LUZP2: variants seen among roughly 807,000 people sequenced by gnomAD.
LUZP2 encodes leucine zipper protein 2.
Under a neutral mutation model 51.6 loss-of-function variants are expected in LUZP2, and 52 were observed. The observed-to-expected ratio is 1.01, with a 90% CI of 0.81 to 1.27. The LOEUF is 1.27. Among genes scored for constraint, LUZP2 ranks in the 50% most tolerant of loss-of-function variants. LUZP2 has a pLI of 0.00. For synonymous variants in LUZP2, 154 were observed against 137.3 expected (o/e 1.12, Z -0.85); for missense variants, 436 against 395.4 (o/e 1.10, Z -0.87).
chr11:24,930,949 C>G (rs985032681), intron 7 of LUZP2, among the ~76,000 whole-genome samples: 16 of 152,248 alleles, frequency 1.1e-4, no homozygotes, highest in African/African-American at 3.9e-4. Context: ...CACAGTGGCT[C>G]ACGCCTGTAA....
chr11:24,965,009 TATTA>T (rs1855539783), intron 7 of LUZP2, among the ~76,000 whole-genome samples: 2 of 151,720 alleles, frequency 1.3e-5, no homozygotes, highest in Admixed American at 6.6e-5. Context: ...GTCTAGAACC[TATTA>T]ATTAAGATTT....
At chr11:24,575,978 C>A (rs1852632381) in intron 1 of LUZP2, among the ~76,000 whole-genome samples, 2 of 152,044 alleles carry the variant, frequency 1.3e-5, no homozygotes, top group Admixed American at 1.3e-4. Context: ...TGAAAATCTT[C>A]ATCTTTATTT....
At chr11:24,733,606 C>T (rs951393405) in intron 3 of LUZP2, among the ~76,000 whole-genome samples, 8 of 151,478 alleles carry the variant, frequency 5.3e-5, no homozygotes, top group Non-Finnish European at 1.0e-4. Flanking sequence ...GTGGTGATTA[C>T]CAGGGTCAGA....
chr11:24,622,305 T>A (rs1441223226), intron 1 of LUZP2, among the ~76,000 whole-genome samples: 7 of 149,098 alleles, frequency 4.7e-5, no homozygotes, highest in East Asian at 4.2e-4. Context: ...CAGGCCCCAG[T>A]GTGTGATGTT....
chr11:24,841,211 T>G (rs1851021219), intron 5 of LUZP2, among the ~76,000 whole-genome samples: 1 of 152,014 alleles, frequency 6.6e-6, no homozygotes, highest in South Asian at 2.1e-4. Context: ...GTGGAATTAG[T>G]GCCCTTATAA....
At chr11:24,756,331 A>G (rs954143401) in intron 4 of LUZP2, among the ~76,000 whole-genome samples, 2 of 152,226 alleles carry the variant, frequency 1.3e-5, no homozygotes, top group Non-Finnish European at 2.9e-5. Context: ...TGTGTCAAGA[A>G]CGATTGTCCT....
At chr11:24,948,804 C>G (rs1177336141) in intron 7 of LUZP2, among the ~76,000 whole-genome samples, 1 of 116,764 alleles carries the variant, frequency 8.6e-6, no homozygotes, top group African/African-American at 2.7e-5. Flanking sequence ...TCTTGAAACT[C>G]TATCTATCTA....
At chr11:24,785,985 T>G (rs1564889717) in intron 5 of LUZP2, 26 of 985,324 alleles carry the variant, frequency 2.6e-5, no homozygotes, top group Non-Finnish European at 2.9e-5. Flanking sequence ...CTTACAAGCT[T>G]CACATTTGAC....
intron 5 of LUZP2, among the ~76,000 whole-genome samples, chr11:24,795,671 G>C (rs1849526254): frequency 6.6e-6 from 1 of 152,062 alleles, no homozygotes; most frequent in Non-Finnish European, 1.5e-5. Context: ...CAGCATGTCA[G>C]TGTCCCACAG....
chr11:24,926,892 C>T (rs904259637), intron 7 of LUZP2, among the ~76,000 whole-genome samples: 1 of 151,686 alleles, frequency 6.6e-6, no homozygotes, highest in African/African-American at 2.4e-5. Flanking sequence ...ACCACATTCA[C>T]ACCAACAACT....
chr11:24,826,352 G>A (rs1850542558), intron 5 of LUZP2, among the ~76,000 whole-genome samples: 2 of 151,048 alleles, frequency 1.3e-5, no homozygotes, highest in Admixed American at 6.6e-5. Flanking sequence ...ACTCAGGGGT[G>A]GTTTAAAAGA....
At chr11:24,830,999 T>C (rs1297022892) in intron 5 of LUZP2, among the ~76,000 whole-genome samples, 1 of 151,376 alleles carries the variant, frequency 6.6e-6, no homozygotes, top group Non-Finnish European at 1.5e-5. Context: ...CTCTCAAAAA[T>C]AAAAATAAAA....
chr11:24,802,840 ACTC>A (rs1186756722), intron 5 of LUZP2, among the ~76,000 whole-genome samples: 2 of 151,886 alleles, frequency 1.3e-5, no homozygotes, highest in Non-Finnish European at 2.9e-5. Flanking sequence ...AGTCATGAGT[ACTC>A]CTCCTTCATT....
intron 7 of LUZP2, among the ~76,000 whole-genome samples, chr11:24,950,756 A>C (rs1371452140): frequency 1.3e-5 from 2 of 151,542 alleles, no homozygotes; most frequent in Admixed American, 1.3e-4. Context: ...TTATTGCCTC[A>C]TTTAAGCTTG....
chr11:24,615,808 G>T (rs1854264964), intron 1 of LUZP2, among the ~76,000 whole-genome samples: 1 of 150,522 alleles, frequency 6.6e-6, no homozygotes. Context: ...TGCCATTTTG[G>T]TTTTATATAT....
intron 9 of LUZP2, among the ~76,000 whole-genome samples, chr11:25,013,770 TTAAG>T (rs1047092933): frequency 1.8e-4 from 27 of 152,222 alleles, no homozygotes; most frequent in Non-Finnish European, 8.8e-5. Flanking sequence ...TTATTATACT[TTAAG>T]TTTTAGGGTA....
intron 5 of LUZP2, among the ~76,000 whole-genome samples, chr11:24,784,022 G>A (rs1029013712): frequency 3.3e-5 from 5 of 151,828 alleles, no homozygotes; most frequent in Non-Finnish European, 5.9e-5. Flanking sequence ...CAGCTTCTAG[G>A]CCTTTCTTGC....
chr11:24,664,890 G>A (rs1856161329), intron 1 of LUZP2, among the ~76,000 whole-genome samples: 1 of 152,192 alleles, frequency 6.6e-6, no homozygotes, highest in South Asian at 2.1e-4. Context: ...GTAGGGCAGT[G>A]CAGAAGGGAA....
chr11:24,894,572 G>GT (rs747986330), intron 5 of LUZP2, among the ~76,000 whole-genome samples: 2,158 of 143,336 alleles, frequency 0.015, 11 homozygotes, highest in Middle Eastern at 0.022. Context: ...GTACCCAGTA[G>GT]TTTTTTTTTT....
Sources: gnomAD v4.1 joint callset for allele counts (sites outside exome capture counted in the v4.1 genomes callset) on GRCh38, gnomAD v4.1.1 for gene constraint, MANE v1.5 for transcripts, NCBI Gene and HGNC (gene_info 2026-07-23, HGNC 2026-07-21) for gene names.